COL25A1: variants seen among roughly 807,000 people sequenced by gnomAD.
COL25A1 encodes collagen type XXV alpha 1 chain, also known as collagen alpha-1(XXV) chain.
In COL25A1, 103 loss-of-function variants were observed where a neutral mutation model predicts 128.4. The ratio of observed to expected loss-of-function variants is 0.80; its 90% CI spans 0.68 to 0.94. The LOEUF is 0.94. COL25A1 is among the 40% of genes least tolerant of loss of function. The probability of loss-of-function intolerance (pLI) is 0.00; values close to 1 mark genes in which losing one functional copy is unlikely to be tolerated. For missense variants in COL25A1, 745 were observed against 840.0 expected, an observed-to-expected ratio of 0.89 and a Z score of 1.40; for synonymous variants, 279 against 277.2, an observed-to-expected ratio of 1.01 and a Z score of -0.06.
intron 3 of COL25A1, among the ~76,000 whole-genome samples, chr4:109,200,042 A>G (rs552583818): frequency 6.6e-6 from 1 of 152,376 alleles, no homozygotes; most frequent in East Asian, 1.9e-4. Context: ...CACCTTCTAC[A>G]TTAAAGTATA....
chr4:108,994,536 CAT>C (rs1179830312), intron 6 of COL25A1, among the ~76,000 whole-genome samples: 1 of 152,186 alleles, frequency 6.6e-6, no homozygotes, highest in Non-Finnish European at 1.5e-5. Context: ...GTGGGCAGGG[CAT>C]AGGAGAACAA....
At chr4:108,855,879 T>C (rs1736432204) in intron 24 of COL25A1, among the ~76,000 whole-genome samples, 1 of 152,152 alleles carries the variant, frequency 6.6e-6, no homozygotes, top group African/African-American at 2.4e-5. Context: ...TGTGGCTCAC[T>C]GTGCATTTCT....
intron 3 of COL25A1, among the ~76,000 whole-genome samples, chr4:109,146,721 C>T (rs774326536): frequency 6.6e-4 from 101 of 152,190 alleles, no homozygotes; most frequent in Non-Finnish European, 1.1e-3. Context: ...CATTCCATGT[C>T]CCCCAGCAGC....
chr4:109,299,860 GA>G (rs1725337650), intron 3 of COL25A1, among the ~76,000 whole-genome samples: 1 of 152,108 alleles, frequency 6.6e-6, no homozygotes, highest in Admixed American at 6.6e-5. Context: ...AAAGGTCCAT[GA>G]AGGAAGATTT....
intron 11 of COL25A1, among the ~76,000 whole-genome samples, chr4:108,932,754 G>A (rs1176378861): frequency 6.6e-6 from 1 of 152,110 alleles, no homozygotes; most frequent in Non-Finnish European, 1.5e-5. Flanking sequence ...GAAACAGCAA[G>A]AACATCGAAA....
chr4:109,242,302 C>T (rs751477132), intron 3 of COL25A1, among the ~76,000 whole-genome samples: 1 of 152,002 alleles, frequency 6.6e-6, no homozygotes, highest in African/African-American at 2.4e-5. Flanking sequence ...AGTATTTAGC[C>T]CCATTTTTTA....
At chr4:109,185,578 G>C (rs1002873758) in intron 3 of COL25A1, among the ~76,000 whole-genome samples, 4 of 152,178 alleles carry the variant, frequency 2.6e-5, no homozygotes, top group Non-Finnish European at 4.4e-5. Flanking sequence ...GGTACTACGA[G>C]TCTGTTAAGG....
chr4:108,904,087 C>T (rs1446904188), intron 13 of COL25A1, among the ~76,000 whole-genome samples: 1 of 152,066 alleles, frequency 6.6e-6, no homozygotes, highest in African/African-American at 2.4e-5. Flanking sequence ...CACTTAGTTT[C>T]CCAGGTTCTG....
chr4:109,047,997 G>T (rs1760606540), intron 5 of COL25A1, among the ~76,000 whole-genome samples, 171 bp downstream of exon 5: 1 of 152,036 alleles, frequency 6.6e-6, no homozygotes, highest in South Asian at 2.1e-4. Flanking sequence ...CTCCCAAAGT[G>T]CTGGGATTAC....
At chr4:108,824,879 T>C (rs1578458240) in intron 34 of COL25A1, among the ~76,000 whole-genome samples, 1 of 152,168 alleles carries the variant, frequency 6.6e-6, no homozygotes, top group Non-Finnish European at 1.5e-5. Flanking sequence ...ATGTGAGAAG[T>C]ATATTGATTT....
At chr4:109,280,660 GTTTTT>G (rs374389512) in intron 3 of COL25A1, among the ~76,000 whole-genome samples, 1 of 147,178 alleles carries the variant, frequency 6.8e-6, no homozygotes, top group South Asian at 2.2e-4. Flanking sequence ...GTTTTGTTTT[GTTTTT>G]TTTTTGAGAC....
chr4:109,284,111 TACA>T (rs1723637874), intron 3 of COL25A1, among the ~76,000 whole-genome samples: 2 of 152,208 alleles, frequency 1.3e-5, no homozygotes, highest in Non-Finnish European at 2.9e-5. Context: ...CCTTCTTCCT[TACA>T]ACATTTGTTA....
chr4:108,828,050 T>A (rs1364850019), intron 32 of COL25A1, among the ~76,000 whole-genome samples: 1 of 152,214 alleles, frequency 6.6e-6, no homozygotes, highest in Non-Finnish European at 1.5e-5. Context: ...GAATAGTGTA[T>A]GGCACATCAG....
chr4:108,825,094 C>A (rs966739847), intron 34 of COL25A1, 102 bp downstream of exon 34: 12 of 871,774 alleles, frequency 1.4e-5, no homozygotes, highest in Non-Finnish European at 1.9e-5. Flanking sequence ...TCTATGCATA[C>A]CTATATGCAC....
chr4:108,813,968 T>C lies in COL25A1; in HGVS notation c.1963-39A>G, dbSNP rs748926189. On this transcript the variant is annotated intron_variant, in intron 37 of 37. Transcript: ENST00000399132. ...CAACAAAAAGACAAATACATGGAAT[T>C]AGTAGTCTTGAATTAAAATTTTAAA... The C allele has an allele frequency of 5.3e-6, 8 of 1,508,686 alleles. No homozygotes were observed. The African/African-American group carries it at 1.1e-4, about 21-fold the overall frequency. 93.5% of individuals were successfully genotyped at this position (1,508,686 alleles called of 1,614,324 possible).
At chr4:109,127,614 C>G (rs1218268581) in intron 3 of COL25A1, among the ~76,000 whole-genome samples, 1 of 151,980 alleles carries the variant, frequency 6.6e-6, no homozygotes, top group Non-Finnish European at 1.5e-5. Context: ...AAGTGTGAGC[C>G]ACCGCGCCTG....
chr4:109,164,641 G>A (rs555949330), intron 3 of COL25A1, among the ~76,000 whole-genome samples: 8 of 152,226 alleles, frequency 5.3e-5, no homozygotes, highest in East Asian at 3.9e-4. Flanking sequence ...CATTTATCTC[G>A]TGTTAATCTG....
intron 24 of COL25A1, among the ~76,000 whole-genome samples, chr4:108,857,940 A>G (rs1324287162): frequency 6.6e-6 from 1 of 152,112 alleles, no homozygotes; most frequent in Non-Finnish European, 1.5e-5. Flanking sequence ...CCCCACCACT[A>G]ATGTTTAAAA....
chr4:109,020,477 G>C (rs1159200492), intron 5 of COL25A1, among the ~76,000 whole-genome samples: 1 of 125,702 alleles, frequency 8.0e-6, no homozygotes, highest in Non-Finnish European at 1.6e-5. Flanking sequence ...GAAAGAGACA[G>C]AGAGCAAGAA....
Sources: allele counts gnomAD v4.1 joint callset (sites outside exome capture counted in the v4.1 genomes callset), GRCh38; gene constraint gnomAD v4.1.1; transcripts MANE v1.5; gene names NCBI Gene and HGNC (gene_info 2026-07-23, HGNC 2026-07-21).